The following THBS4 variants were observed in gnomAD, a reference collection of about 807,000 sequenced individuals.
The protein encoded by THBS4 is thrombospondin-4.
In THBS4, 90 loss-of-function variants were observed where a neutral mutation model predicts 115.7. That is an observed-to-expected ratio of 0.78 (90% confidence interval 0.66 to 0.93). The LOEUF (loss-of-function observed/expected upper bound fraction) is 0.93, where lower values mean the gene tolerates loss of function less well. Ranked by LOEUF, THBS4 falls within the 40% of genes least tolerant of loss-of-function variation. The pLI, the probability that THBS4 is intolerant of heterozygous loss-of-function variation, is 0.00. For synonymous variants in THBS4, 460 were observed against 479.3 expected, an observed-to-expected ratio of 0.96 and a Z score of 0.53; for missense variants, 1,087 against 1,232.7, an observed-to-expected ratio of 0.88 and a Z score of 1.77.
intron 2 of THBS4, among the ~76,000 whole-genome samples, chr5:80,041,926 G>C (rs139987694): frequency 2.2e-4 from 33 of 152,296 alleles, no homozygotes; most frequent in African/African-American, 7.9e-4. Context: ...AAATCTGCAG[G>C]CATTAGGAAA....
chr5:80,017,148 G>A (rs1277406614), intron 2 of THBS4, among the ~76,000 whole-genome samples: 1 of 152,164 alleles, frequency 6.6e-6, no homozygotes, highest in Non-Finnish European at 1.5e-5. Context: ...TAAAATGGAG[G>A]CCAATGTTCA....
At chr5:80,070,556 A>G (rs1834003536) in intron 11 of THBS4, 87 bp from the exon 12 acceptor site, 2 of 1,428,370 alleles carry the variant, frequency 1.4e-6, no homozygotes, top group Non-Finnish European at 9.9e-7. Context: ...GCCACCAACA[A>G]TAAAGCCACA....
At chr5:80,032,602 C>T, upstream of THBS4, among the ~76,000 whole-genome samples, 1 of 152,212 alleles carries the variant, frequency 6.6e-6, no homozygotes, top group Non-Finnish European at 1.5e-5. Flanking sequence ...GCCCAACAGC[C>T]CCTGGCAAAT....
chr5:80,025,594 C>A (rs1436091685), intron 2 of THBS4, among the ~76,000 whole-genome samples: 1 of 152,152 alleles, frequency 6.6e-6, no homozygotes, highest in Non-Finnish European at 1.5e-5. Context: ...AGGGGAACAT[C>A]AAGGAAAGAA....
At chr5:80,006,003 G>C (rs1009733466) in intron 2 of THBS4, among the ~76,000 whole-genome samples, 1 of 152,046 alleles carries the variant, frequency 6.6e-6, no homozygotes, top group African/African-American at 2.4e-5. Flanking sequence ...TTGACCTCGT[G>C]ATCCACTTTC....
intron 1 of THBS4, among the ~76,000 whole-genome samples, chr5:79,992,782 C>A (rs1831710832): frequency 6.6e-6 from 1 of 152,144 alleles, no homozygotes; most frequent in Non-Finnish European, 1.5e-5. Context: ...GAAATATAAG[C>A]AAAATACTAC....
rs577048999 is a variant in THBS4, at chr5:80,050,898, C to T, written c.293-4887C>T. Among the ~76,000 whole-genome samples the T allele has an allele frequency of 3.8e-4, 58 of 151,652 alleles. No individual in the cohort carries two copies. The South Asian group carries it at 5.8e-3, about 15-fold the overall frequency. On this transcript the variant is annotated intron_variant, in intron 2 of 21. Coordinates refer to ENST00000350881, the MANE Select transcript of THBS4 (RefSeq NM_003248.6). ...ATAATTTGGCAAAGACAGTTTCATACCCAGTGACTGTTTTCCTGAGTGCTT... is the reference window on the plus strand; with the variant it reads ...ATAATTTGGCAAAGACAGTTTCATATCCAGTGACTGTTTTCCTGAGTGCTT...
In THBS4 at chr5:80,041,771, G is replaced by A. The variant is rs182070594; in HGVS notation, c.292+1491G>A. On this transcript the variant is annotated intron_variant, in intron 2 of 21. Transcript: ENST00000350881. ...GTTTATTAAGGAATGTGACAGATGCGTGTTCCTGCTGCTTCATGCATTTAA... is the reference window on the plus strand; with the variant it reads ...GTTTATTAAGGAATGTGACAGATGCATGTTCCTGCTGCTTCATGCATTTAA... Among the ~76,000 whole-genome samples the A allele has an allele frequency of 1.6e-4, 24 of 152,272 alleles. No homozygotes were observed. In the East Asian group the frequency reaches 3.9e-3, roughly 24 times the overall value.
chr5:80,062,526 G>A (rs1307504458), intron 8 of THBS4, among the ~76,000 whole-genome samples: 2 of 152,118 alleles, frequency 1.3e-5, no homozygotes, highest in Admixed American at 6.5e-5. Context: ...GGTTCTAGAG[G>A]GCATGATTTT....
chr5:80,064,303 T>G (rs1833736576), intron 8 of THBS4, among the ~76,000 whole-genome samples: 1 of 151,142 alleles, frequency 6.6e-6, no homozygotes, highest in South Asian at 2.1e-4. Context: ...AGAAGTGAAA[T>G]CCCCAGGGCT....
chr5:80,047,092 A>G (rs1833090989), intron 2 of THBS4, among the ~76,000 whole-genome samples: 1 of 152,278 alleles, frequency 6.6e-6, no homozygotes. Flanking sequence ...ATCAGTGTTG[A>G]GGATAGTGCC....
intron 3 of THBS4, among the ~76,000 whole-genome samples, chr5:80,057,939 C>T (rs774898558): frequency 6.6e-6 from 1 of 152,122 alleles, no homozygotes; most frequent in Non-Finnish European, 1.5e-5. Flanking sequence ...ACTCCTTTAC[C>T]ATGTAGGAAA....
intron 16 of THBS4, 86 bp from the exon 17 acceptor site, chr5:80,077,963 G>C: frequency 8.1e-7 from 1 of 1,227,394 alleles, no homozygotes; most frequent in Non-Finnish European, 1.1e-6. Flanking sequence ...GAGCCCTTCT[G>C]TTCCTCATGC....
chr5:80,010,853 A>G (rs1345166015), intron 2 of THBS4, among the ~76,000 whole-genome samples: 7 of 152,242 alleles, frequency 4.6e-5, no homozygotes, highest in Admixed American at 4.6e-4. Flanking sequence ...GTGACCTTGA[A>G]TGAGATGACT....
chr5:80,056,116 C>T, intron 3 of THBS4, 84 bp downstream of exon 3: 1 of 1,458,976 alleles, frequency 6.9e-7, no homozygotes, highest in South Asian at 1.4e-5. Context: ...TGAGAAATTC[C>T]TGCTGCAGGT....
Position 80,079,090 on chromosome 5 carries a change from C to A in THBS4, c.2343C>A (p.Phe781Leu), listed in dbSNP as rs752904360. The change falls in exon 19 of 22, where the codon TTC becomes TTA. Residue 781 changes from phenylalanine (F) to leucine (L), a missense_variant. Physicochemically the swap from Phe to Leu is conservative, Grantham distance 22. This residue lies in a region of THBS4 where 979 missense variants were observed against 1,103.7 expected (regional missense o/e 0.89). Coordinates refer to ENST00000350881, the MANE Select transcript of THBS4 (RefSeq NM_003248.6). The stretch of plus-strand genomic sequence containing the variant: ...ACACAGCTTTTAATGGAGTTGACTT[C>A]GAAGGGACCTTCCATGTGAATACCC... ...VGYTAFNGVD[F>L]EGTFHVNTQT... 2 of 1,613,664 alleles carry A rather than the reference C, an allele frequency of 1.2e-6. No individual in the cohort carries two copies. The highest frequency in any genetic ancestry group is 2.2e-5 in the South Asian group (2 of 91,032).
intron 2 of THBS4, among the ~76,000 whole-genome samples, chr5:80,043,092 C>A (rs1443519240): frequency 2.6e-5 from 4 of 152,092 alleles, no homozygotes; most frequent in Non-Finnish European, 5.9e-5. Flanking sequence ...ACTGTGGGGG[C>A]AGAAGGAGTC....
chr5:80,025,909 C>G (rs1832468077), intron 2 of THBS4, among the ~76,000 whole-genome samples: 2 of 152,134 alleles, frequency 1.3e-5, no homozygotes, highest in African/African-American at 4.8e-5. Context: ...ATCAACATCA[C>G]TAGTAATTAT....
At chr5:80,024,154 G>A (rs1227422416) in intron 2 of THBS4, among the ~76,000 whole-genome samples, 1 of 152,070 alleles carries the variant, frequency 6.6e-6, no homozygotes, top group East Asian at 1.9e-4. Context: ...AGTACTATTG[G>A]CTTTTCCACT....
Sources: gnomAD v4.1 joint callset for allele counts (sites outside exome capture counted in the v4.1 genomes callset) on GRCh38, gnomAD v4.1.1 for gene constraint, gnomAD v4.1.1 regional missense constraint, MANE v1.5 for transcripts, NCBI Gene and HGNC (gene_info 2026-07-23, HGNC 2026-07-21) for gene names.